FER1L6: variants seen among roughly 807,000 people sequenced by gnomAD.
FER1L6 encodes fer-1-like protein 6.
FER1L6 carries 177 observed loss-of-function variants against 219.2 expected under a neutral mutation model. The observed-to-expected ratio is 0.81, with a 90% CI of 0.71 to 0.91. The LOEUF (loss-of-function observed/expected upper bound fraction) is 0.91. Among genes scored for constraint, FER1L6 ranks in the 40% least tolerant of loss-of-function variants. The probability of loss-of-function intolerance (pLI) is 0.00; values close to 1 mark genes in which losing one functional copy is unlikely to be tolerated. For missense variants in FER1L6, 2,153 were observed against 2,259.9 expected (o/e 0.95, Z 0.96); for synonymous variants, 768 against 824.3 (o/e 0.93, Z 1.17).
At chr8:123,966,092 C>T in intron 4 of FER1L6, 31 bp downstream of exon 4, 2 of 1,613,566 alleles carry the variant, frequency 1.2e-6, no homozygotes, top group Non-Finnish European at 8.5e-7. Flanking sequence ...GCCCAGCCTC[C>T]CCCAGTGCTT....
intron 34 of FER1L6, among the ~76,000 whole-genome samples, chr8:124,091,784 T>C (rs1025807545): frequency 2.0e-5 from 3 of 151,840 alleles, no homozygotes; most frequent in Non-Finnish European, 2.9e-5. Context: ...CTGGCCAACA[T>C]GGTGAAACCC....
At position 123,977,419 on chromosome 8, in the gene FER1L6, G is replaced by T; in HGVS notation, c.873G>T (p.Gly291=). Residue 291 remains glycine, a splice_region_variant and synonymous_variant, in exon 10 of 41, where the codon GGG becomes GGT. Coordinates refer to ENST00000522917, the MANE Select transcript of FER1L6 (RefSeq NM_001039112.2). ...TGTCCTCCTGGCTGTGTTTTTAGGGGCGAACCACAGTGCAGAAGAACTGTG... is the reference window on the plus strand; with the variant it reads ...TGTCCTCCTGGCTGTGTTTTTAGGGTCGAACCACAGTGCAGAAGAACTGTG... The part of the protein sequence containing the change: ...FVEVSFAGQM[G]RTTVQKNCAD... 1 of 1,612,374 alleles carries T rather than the reference G, an allele frequency of 6.2e-7. No individual in the cohort carries two copies. The highest frequency in any genetic ancestry group is 8.5e-7 in the Non-Finnish European group (1 of 1,179,068).
chr8:123,987,985 C>A (rs1816676477), intron 12 of FER1L6, among the ~76,000 whole-genome samples: 1 of 152,100 alleles, frequency 6.6e-6, no homozygotes, highest in South Asian at 2.1e-4. Flanking sequence ...GTAATCCCAG[C>A]TACTTGGGAG....
At position 124,076,243 on chromosome 8, in the gene FER1L6, TA is replaced by T; in HGVS notation, c.4139del (p.Tyr1380SerfsTer3). On this transcript the variant is annotated frameshift_variant, in exon 32 of 41. Coordinates refer to ENST00000522917, the MANE Select transcript of FER1L6 (RefSeq NM_001039112.2). LOFTEE classifies it high-confidence loss of function. ...TGATCCAGATGGCAAATCAGATCCC[TA>T]CATTGTGATCAAGCTTGGCAAGACA... The part of the protein sequence containing the change: ...PADPDGKSDP[Y>X]IVIKLGKTEI... 1 of 1,614,090 alleles carries T rather than the reference TA, an allele frequency of 6.2e-7. No individual in the cohort carries two copies.
intron 16 of FER1L6, among the ~76,000 whole-genome samples, chr8:124,021,249 G>A (rs1256511232): frequency 1.3e-5 from 2 of 152,160 alleles, no homozygotes; most frequent in Admixed American, 6.5e-5. Flanking sequence ...GTGGGACACA[G>A]CCAAACCATG....
chr8:123,895,409 C>T (rs1181503994), intron 1 of FER1L6, among the ~76,000 whole-genome samples: 2 of 152,162 alleles, frequency 1.3e-5, no homozygotes, highest in Non-Finnish European at 2.9e-5. Flanking sequence ...TTGTAATTCC[C>T]TTTCTATCTC....
At chr8:123,976,695 T>C (rs1423474128) in intron 9 of FER1L6, among the ~76,000 whole-genome samples, 1 of 152,110 alleles carries the variant, frequency 6.6e-6, no homozygotes, top group Non-Finnish European at 1.5e-5. Flanking sequence ...CCACATCCGG[T>C]AGAATTTCCA....
At chr8:123,879,182 T>C (rs1817061708) in intron 1 of FER1L6, among the ~76,000 whole-genome samples, 1 of 152,164 alleles carries the variant, frequency 6.6e-6, no homozygotes, top group Non-Finnish European at 1.5e-5. Flanking sequence ...CGTGCTCCCA[T>C]AGTCCTAGCT....
chr8:123,949,026 T>A (rs1348398264), intron 1 of FER1L6, among the ~76,000 whole-genome samples: 5 of 152,166 alleles, frequency 3.3e-5, no homozygotes, highest in African/African-American at 1.2e-4. Context: ...GAGGAGGGAA[T>A]GCATGGGAGA....
intron 20 of FER1L6, 48 bp from the exon 21 acceptor site, chr8:124,045,719 A>G: frequency 6.2e-7 from 1 of 1,607,674 alleles, no homozygotes; most frequent in Non-Finnish European, 8.5e-7. Flanking sequence ...TAGAGCCCCT[A>G]TAACTCAATT....
chr8:124,013,738 G>A, intron 15 of FER1L6: 1 of 353,090 alleles, frequency 2.8e-6, no homozygotes, highest in Non-Finnish European at 5.2e-6. Context: ...TAAATCAAAG[G>A]TAGGAAAAAG....
At chr8:124,042,078 C>G (rs964302273) in intron 20 of FER1L6, among the ~76,000 whole-genome samples, 2 of 152,172 alleles carry the variant, frequency 1.3e-5, no homozygotes, top group Non-Finnish European at 2.9e-5. Context: ...ACCCCTGGAG[C>G]CCTCCTCCAC....
intron 18 of FER1L6, among the ~76,000 whole-genome samples, chr8:124,024,374 T>C (rs947623330): frequency 3.3e-5 from 5 of 151,398 alleles, no homozygotes; most frequent in African/African-American, 1.2e-4. Flanking sequence ...CTTTCTGAGT[T>C]TTCAGTGTCC....
chr8:123,975,267 C>A lies in FER1L6; in HGVS notation c.644C>A (p.Thr215Asn). 1.2e-6 allele frequency: 2 copies of A among 1,612,910 alleles called. No individual in the cohort carries two copies. The highest frequency in any genetic ancestry group is 1.7e-5 in the Admixed American group (1 of 59,964). Residue 215 changes from threonine (T) to asparagine (N), a missense_variant, in exon 8 of 41, where the codon ACC becomes AAC. Coordinates refer to ENST00000522917, the MANE Select transcript of FER1L6 (RefSeq NM_001039112.2). ...SVMGKGDVLK[T>N]SPKTSDTEEP... ...ATGGGAAAAGGTGATGTCTTGAAGA[C>A]CAGCCCTAAAACTTCTGACACCGAG... is the stretch of plus-strand genomic sequence containing the variant.
chr8:123,879,607 GA>G (rs1463318360), intron 1 of FER1L6, among the ~76,000 whole-genome samples: 1 of 152,128 alleles, frequency 6.6e-6, no homozygotes, highest in Non-Finnish European at 1.5e-5. Flanking sequence ...TTACAGGCAT[GA>G]ACCACCGTGC....
Position 123,986,053 on chromosome 8 carries a change from G to T in FER1L6, c.1411-15G>T, listed in dbSNP as rs746850059. ...AAAGCCAGTTCTGCCTAATAATTTT[G>T]TTTTCTTTCTGTAGATTGTACCAGA... On this transcript the variant is annotated splice_polypyrimidine_tract_variant and intron_variant, in intron 11 of 40. Transcript: ENST00000522917. The T allele has an allele frequency of 6.7e-6, 10 of 1,486,528 alleles. No individual in the cohort carries two copies. In the South Asian group the frequency reaches 1.0e-4, roughly 15 times the overall value. 92.1% of individuals were successfully genotyped at this position (1,486,528 alleles called of 1,614,324 possible).
At chr8:124,089,511 T>A (rs1013929085) in intron 33 of FER1L6, among the ~76,000 whole-genome samples, 5 of 152,226 alleles carry the variant, frequency 3.3e-5, no homozygotes, top group Non-Finnish European at 7.3e-5. Flanking sequence ...TAATTTCAAT[T>A]TGGTGTTCCT....
In FER1L6 at chr8:124,085,319, ATTTATTTGAAGTTTT is replaced by A. The variant is rs568663039; in HGVS notation, c.4391+2863_4391+2877del. Reference sequence around the variant, plus strand: ...ATTCATTAAGATATATTGTTACATTATTTATTTGAAGTTTTTCTACTTTTTTGATGTGGGTGCTTA... The same window carrying A: ...ATTCATTAAGATATATTGTTACATTATCTACTTTTTTGATGTGGGTGCTTA... On this transcript the variant is annotated intron_variant, in intron 33 of 40. Coordinates refer to ENST00000522917, the MANE Select transcript of FER1L6 (RefSeq NM_001039112.2). Among the ~76,000 whole-genome samples the A allele has an allele frequency of 1.2e-4, 19 of 152,022 alleles. No homozygotes were observed. The South Asian group carries it at 3.9e-3, about 32-fold the overall frequency.
chr8:124,102,060 A>G (rs1822571092), intron 38 of FER1L6, among the ~76,000 whole-genome samples: 2 of 152,210 alleles, frequency 1.3e-5, no homozygotes, highest in Admixed American at 1.3e-4. Context: ...TTTCATGCAT[A>G]TGAAGCCTCA....
Sources: gnomAD v4.1 joint callset for allele counts (sites outside exome capture counted in the v4.1 genomes callset) on GRCh38, gnomAD v4.1.1 for gene constraint, MANE v1.5 for transcripts, NCBI Gene and HGNC (gene_info 2026-07-23, HGNC 2026-07-21) for gene names.